The following CALML4 variants were observed in gnomAD, a reference collection of about 807,000 sequenced individuals.
CALML4 encodes the protein calmodulin like 4, also known as calmodulin-like protein 4.
CALML4 carries 16 observed loss-of-function variants against 17.9 expected under a neutral mutation model. The ratio of observed to expected loss-of-function variants is 0.89; its 90% CI spans 0.61 to 1.36. The LOEUF (loss-of-function observed/expected upper bound fraction) is 1.36. Ranked by LOEUF, CALML4 falls within the 40% of genes most tolerant of loss-of-function variation. The pLI is 0.00. For missense variants in CALML4, 203 were observed against 194.8 expected (o/e 1.04, Z -0.25); for synonymous variants, 86 against 71.5 (o/e 1.20, Z -1.02).
chr15:68,197,606 G>A lies in CALML4; in HGVS notation c.198C>T (p.Phe66=). The stretch of plus-strand genomic sequence containing the variant: ...TGTGCATAATGGTCAGAAAAGTGGA[G>A]AAATCCAGCTCTCCATTTCCGTCTA... The part of the protein sequence containing the change: ...HGIDGNGELD[F]STFLTIMHMQ... The change falls in exon 4 of 5, where the codon TTC becomes TTT. Residue 66 remains phenylalanine, a synonymous_variant. Coordinates refer to ENST00000467889, the MANE Select transcript of CALML4 (RefSeq NM_033429.3). The surrounding 1 kb of genome is among the most constrained non-coding windows in gnomAD (Gnocchi z 4.1). 1.2e-6 allele frequency: 2 copies of A among 1,614,006 alleles called. No individual in the cohort carries two copies. The highest frequency in any genetic ancestry group is 2.2e-5 in the East Asian group (1 of 44,866).
intron 4 of CALML4, among the ~76,000 whole-genome samples, chr15:68,196,600 G>C (rs1482614719): frequency 2.6e-5 from 4 of 152,172 alleles, no homozygotes; most frequent in African/African-American, 9.7e-5. Context: ...CCCTGGCCTC[G>C]GGCAGAGGCA....
At position 68,193,914 on chromosome 15, in the gene CALML4, C is replaced by T. The variant is rs2093131421; in HGVS notation, c.*101G>A. 1.3e-6 allele frequency: 1 copy of T among 748,712 alleles called. No homozygotes were observed. The highest frequency in any genetic ancestry group is 2.7e-5 in the East Asian group (1 of 37,574). 46.4% of individuals were successfully genotyped at this position (748,712 alleles called of 1,614,324 possible). On this transcript the variant is annotated 3_prime_UTR_variant, in exon 5 of 5. Transcript: ENST00000467889. ...CTATAGTTGGGTAATGTTGTCTTGC[C>T]ACTGTGTTTGCCATCTCTCCCAAGT...
rs1056349958 is a variant in CALML4, at chr15:68,194,171, G to C, written c.365-59C>G. 14 of 1,391,362 alleles carry C rather than the reference G, an allele frequency of 1.0e-5. No homozygotes were observed. The Admixed American group carries it at 1.9e-4, about 19-fold the overall frequency. 86.2% of individuals were successfully genotyped at this position (1,391,362 alleles called of 1,614,324 possible). ...CTTTAGTGTTCCATTATAAAACAGT[G>C]AGTTTTTTGGGGACTGGAGCTCCCC... On this transcript the variant is annotated intron_variant, in intron 4 of 4. Transcript: ENST00000467889.
At position 68,200,921 on chromosome 15, in the gene CALML4, C is replaced by A. The variant is rs556942632; in HGVS notation, c.35-1240G>T. 7.3e-4 allele frequency among the ~76,000 whole-genome samples: 111 copies of A among 152,266 alleles called. No individual in the cohort carries two copies. The highest frequency in any genetic ancestry group is 2.5e-3 in the African/African-American group (103 of 41,560). On this transcript the variant is annotated intron_variant, in intron 2 of 4. Coordinates refer to ENST00000467889, the MANE Select transcript of CALML4 (RefSeq NM_033429.3). This position sits in a 1 kb window ranked among gnomAD's most constrained non-coding sequence, Gnocchi z 4.3. ...ACATTGAGGGCTGGAACACTGAGAGCCTGGCTGTGGGCAGCTCTGCCCACC... is the reference window on the plus strand; with the variant it reads ...ACATTGAGGGCTGGAACACTGAGAGACTGGCTGTGGGCAGCTCTGCCCACC...
chr15:68,205,364 G>A (rs2093179676), upstream of CALML4: 1 of 1,613,860 alleles, frequency 6.2e-7, no homozygotes, highest in Non-Finnish European at 8.5e-7. The surrounding 1 kb of genome is among the most constrained non-coding windows in gnomAD (Gnocchi z 4.8). Context: ...GGTAATAAAT[G>A]CTCGGCTGCC....
rs2093119462 is a variant in CALML4 at position 68,191,404 on chromosome 15, T to C, written c.*2611A>G. ...GCATTGGAAAAAAATTGTTTACCTA[T>C]TGAATGTTACCTGTTTATGTAGAGC... is the stretch of plus-strand genomic sequence containing the variant. On this transcript the variant is annotated 3_prime_UTR_variant, in exon 5 of 5. Transcript: ENST00000467889. 6.5e-6 allele frequency: 1 copy of C among 152,676 alleles called. No homozygotes were observed. Among genetic ancestry groups the C allele is most frequent in the Non-Finnish European group, 1.5e-5 (1 of 68,048 alleles). 9.5% of individuals were successfully genotyped at this position (152,676 alleles called of 1,614,324 possible).
chr15:68,196,205 C>T lies in CALML4; in HGVS notation c.364+1235G>A, dbSNP rs753991518. 1.4e-4 allele frequency among the ~76,000 whole-genome samples: 22 copies of T among 152,224 alleles called. 1 individual carries two copies. The highest frequency in any genetic ancestry group is 2.8e-4 in the Non-Finnish European group (19 of 68,044). On this transcript the variant is annotated intron_variant, in intron 4 of 4. Transcript: ENST00000467889. ...CTGGGGCTACAGGCGCCCGCCACCA[C>T]GCCTGGCTAATTTTTGTATGTCAGG...
rs1239509443 is a variant in CALML4 at position 68,194,016 on chromosome 15, C to A, written c.461G>T (p.Ter154LeuextTer17). 2 of 1,612,376 alleles carry A rather than the reference C, an allele frequency of 1.2e-6. No homozygotes were observed. The highest frequency in any genetic ancestry group is 1.1e-5 in the South Asian group (1 of 91,046). ...GGGAGGCTCTCCCATTCTCCTCCTT[C>A]AATAGTCCCGTCCAGGAAGGGTGAT... ...HKITLPGRDY* is the reference protein window; with the variant it reads ...HKITLPGRDYL Residue 154 changes from the stop codon to leucine (L), a stop_lost, in exon 5 of 5, where the codon TGA becomes TTA. Transcript: ENST00000467889.
upstream of CALML4, chr15:68,205,439 C>T: frequency 6.2e-7 from 1 of 1,600,588 alleles, no homozygotes; most frequent in Non-Finnish European, 8.5e-7. The surrounding 1 kb of genome is among the most constrained non-coding windows in gnomAD (Gnocchi z 4.8). Context: ...TCATGACCCG[C>T]CACCTGGGCA....
In CALML4 at chr15:68,200,257, C is replaced by T. The variant is rs1285730081; in HGVS notation, c.35-576G>A. On this transcript the variant is annotated intron_variant, in intron 2 of 4. Transcript: ENST00000467889. The surrounding 1 kb of genome is among the most constrained non-coding windows in gnomAD (Gnocchi z 4.3). ...AGTGGCCTTCATATGATGATATTAT[C>T]ATCATCATCAGAGCTGGGGCATTTC... Among the ~76,000 whole-genome samples the T allele has an allele frequency of 6.6e-6, 1 of 152,210 alleles. No individual in the cohort carries two copies. Among genetic ancestry groups the T allele is most frequent in the East Asian group, 1.9e-4 (1 of 5,196 alleles).
intron 4 of CALML4, 96 bp from the exon 5 acceptor site, chr15:68,194,208 C>T: frequency 2.3e-6 from 2 of 856,906 alleles, no homozygotes; most frequent in Admixed American, 2.1e-5. Flanking sequence ...AAGGTCTTCC[C>T]TGAGCGTGCA....
chr15:68,193,797 G>A lies in CALML4; in HGVS notation c.*218C>T, dbSNP rs556433401. On this transcript the variant is annotated 3_prime_UTR_variant, in exon 5 of 5. Transcript: ENST00000467889. ...CCATGCTTGAAAGGGCCGGACTCAC[G>A]GTAGTTAATAAAATCAATACAAATC... 3.5e-5 allele frequency: 17 copies of A among 489,672 alleles called. No homozygotes were observed. The highest frequency in any genetic ancestry group is 2.6e-4 in the South Asian group (9 of 34,894). The allele number at this position is 489,672 out of a possible 1,614,324, so 30.3% of individuals were successfully genotyped here. A position where few individuals can be genotyped will look rare whatever the true frequency, so the allele number is the denominator to read the frequency against.
At chr15:68,199,400 TG>T in intron 3 of CALML4, 140 bp downstream of exon 3, 1 of 896,972 alleles carries the variant, frequency 1.1e-6, no homozygotes, top group Non-Finnish European at 1.7e-6. Flanking sequence ...ACGGCACTCC[TG>T]GTCTGGGGCT....
upstream of CALML4, chr15:68,205,552 C>G: frequency 1.3e-6 from 1 of 755,260 alleles, no homozygotes; most frequent in South Asian, 1.8e-5. This position sits in a 1 kb window ranked among gnomAD's most constrained non-coding sequence, Gnocchi z 4.8. Flanking sequence ...TGTTTCTTCC[C>G]GGGAGCCCTG....
At chr15:68,195,341 T>C (rs1595808793) in intron 4 of CALML4, among the ~76,000 whole-genome samples, 2 of 152,180 alleles carry the variant, frequency 1.3e-5, no homozygotes, top group East Asian at 1.9e-4. Context: ...TGCCTTGGCC[T>C]AAGCTGATAG....
At chr15:68,199,828 C>T in intron 2 of CALML4, 147 bp from the exon 3 acceptor site, 2 of 767,286 alleles carry the variant, frequency 2.6e-6, no homozygotes, top group East Asian at 2.9e-5. Flanking sequence ...GTGCTAGATA[C>T]AGCAAATGAA....
At chr15:68,202,300 T>C (rs757766337) in intron 2 of CALML4, among the ~76,000 whole-genome samples, 3 of 152,218 alleles carry the variant, frequency 2.0e-5, no homozygotes, top group Admixed American at 1.3e-4. Flanking sequence ...ATGTACACTA[T>C]TCTTTATTAT....
At chr15:68,201,224 T>G (rs1753559120) in intron 2 of CALML4, among the ~76,000 whole-genome samples, 1 of 152,208 alleles carries the variant, frequency 6.6e-6, no homozygotes, top group Non-Finnish European at 1.5e-5. Flanking sequence ...TTCCAGAGCC[T>G]GAGCTTCCGA....
chr15:68,199,396 C>G, intron 3 of CALML4, 145 bp downstream of exon 3: 2 of 861,302 alleles, frequency 2.3e-6, no homozygotes, highest in Non-Finnish European at 3.5e-6. Context: ...AGGTACGGCA[C>G]TCCTGGTCTG....
Sources: gnomAD v4.1 joint callset for allele counts (sites outside exome capture counted in the v4.1 genomes callset) on GRCh38, gnomAD v4.1.1 for gene constraint, Gnocchi (gnomAD v3.1) non-coding constraint, MANE v1.5 for transcripts, NCBI Gene and HGNC (gene_info 2026-07-23, HGNC 2026-07-21) for gene names.